TBC1D12: variants seen among roughly 807,000 people sequenced by gnomAD.
TBC1D12 encodes the protein TBC1 domain family member 12.
TBC1D12 carries 56 observed loss-of-function variants against 86.7 expected under a neutral mutation model. That is an observed-to-expected ratio of 0.65 (90% CI 0.52 to 0.81). The LOEUF (loss-of-function observed/expected upper bound fraction) is 0.81. TBC1D12 is among the 30% of genes least tolerant of loss of function. The pLI, the probability that TBC1D12 is intolerant of heterozygous loss-of-function variation, is 0.00. For missense variants in TBC1D12, 1,023 were observed against 1,038.8 expected, an observed-to-expected ratio of 0.98 and a Z score of 0.21; for synonymous variants, 421 against 411.7, an observed-to-expected ratio of 1.02 and a Z score of -0.27.
chr10:94,515,140 C>T (rs2134213052), intron 9 of TBC1D12, among the ~76,000 whole-genome samples: 1 of 151,336 alleles, frequency 6.6e-6, no homozygotes, highest in Admixed American at 6.6e-5. Flanking sequence ...ATCTCCTGAC[C>T]TCGTGATCCG....
At position 94,403,042 on chromosome 10, in the gene TBC1D12, C is replaced by G. The variant is rs2054791325; in HGVS notation, c.429C>G (p.Gly143=). 2 of 1,564,118 alleles carry G rather than the reference C, an allele frequency of 1.3e-6. No individual in the cohort carries two copies. Among genetic ancestry groups the G allele is most frequent in the Non-Finnish European group, 8.6e-7 (1 of 1,159,730 alleles). Residue 143 remains glycine, a synonymous_variant, in exon 1 of 13, where the codon GGC becomes GGG. Transcript: ENST00000225235. ...MTNGDSGFLP[G]RDCRDLEEAR... ...ACGGCGACTCGGGTTTTCTGCCGGGCCGGGACTGTCGCGATCTGGAAGAGG... is the reference window on the plus strand; with the variant it reads ...ACGGCGACTCGGGTTTTCTGCCGGGGCGGGACTGTCGCGATCTGGAAGAGG...
At chr10:94,465,501 C>T (rs1196653133) in intron 2 of TBC1D12, among the ~76,000 whole-genome samples, 1 of 151,970 alleles carries the variant, frequency 6.6e-6, no homozygotes, top group Admixed American at 6.6e-5. Flanking sequence ...CAAAAATTAG[C>T]TGAGCATGGT....
At chr10:94,457,069 G>A (rs777601927) in intron 2 of TBC1D12, among the ~76,000 whole-genome samples, 2 of 151,992 alleles carry the variant, frequency 1.3e-5, no homozygotes, top group African/African-American at 2.4e-5. Context: ...ACTTAAAGTG[G>A]GGTTTTTAAA....
intron 11 of TBC1D12, among the ~76,000 whole-genome samples, chr10:94,527,082 T>TTGTGTGTGTGTGTGTG (rs60647037): frequency 9.4e-5 from 14 of 148,250 alleles, no homozygotes; most frequent in African/African-American, 3.3e-4. Flanking sequence ...GCTGGATTGA[T>TTGTGTGTGTGTGTGTG]TGTGTGTGTG....
At chr10:94,465,402 CT>C (rs771973697) in intron 2 of TBC1D12, among the ~76,000 whole-genome samples, 9 of 152,150 alleles carry the variant, frequency 5.9e-5, no homozygotes, top group Non-Finnish European at 1.3e-4. Context: ...AATCCTAGCA[CT>C]TTGGGAGGAT....
intron 2 of TBC1D12, among the ~76,000 whole-genome samples, chr10:94,449,773 T>G (rs749723370): frequency 2.6e-5 from 4 of 152,216 alleles, no homozygotes; most frequent in Non-Finnish European, 5.9e-5. Context: ...TTTGGCTCTC[T>G]CCTTGTCTTT....
chr10:94,501,956 G>C (rs1190244249), intron 6 of TBC1D12, among the ~76,000 whole-genome samples: 4 of 152,140 alleles, frequency 2.6e-5, no homozygotes, highest in Non-Finnish European at 4.4e-5. Context: ...TTGAGCCCAG[G>C]AGTTTAAGGT....
chr10:94,483,551 A>G (rs1211388829), intron 3 of TBC1D12, among the ~76,000 whole-genome samples: 1 of 152,098 alleles, frequency 6.6e-6, no homozygotes, highest in Non-Finnish European at 1.5e-5. Flanking sequence ...TGCCATTTGT[A>G]TGTCTTCTTT....
Position 94,403,354 on chromosome 10 carries a change from G to GC in TBC1D12, c.746dup (p.Ala250CysfsTer8). 1 of 1,525,022 alleles carries GC rather than the reference G, an allele frequency of 6.6e-7. No individual in the cohort carries two copies. Among genetic ancestry groups the GC allele is most frequent in the East Asian group, 2.7e-5 (1 of 37,314 alleles). The allele number at this position is 1,525,022 out of a possible 1,614,324, so 94.5% of individuals were successfully genotyped here. A position where few individuals can be genotyped will look rare whatever the true frequency, so the allele number is the denominator to read the frequency against. ...GCGCCGGGGGTCCCGAGGAGGGCGCGCCCCCTGCCACCTCGGCCGAGAGGA... is the reference window on the plus strand; with the variant it reads ...GCGCCGGGGGTCCCGAGGAGGGCGCGCCCCCCTGCCACCTCGGCCGAGAGGA... On this transcript the variant is annotated frameshift_variant, in exon 1 of 13. Coordinates refer to ENST00000225235, the MANE Select transcript of TBC1D12 (RefSeq NM_015188.2). LOFTEE classifies it high-confidence loss of function.
At chr10:94,426,430 G>A (rs2055147481) in intron 1 of TBC1D12, among the ~76,000 whole-genome samples, 1 of 152,088 alleles carries the variant, frequency 6.6e-6, no homozygotes, top group Admixed American at 6.6e-5. Context: ...GTCCATTGAT[G>A]TAATTGTGTG....
chr10:94,432,186 G>A (rs11187948), intron 1 of TBC1D12, among the ~76,000 whole-genome samples: 63,497 of 151,868 alleles, frequency 0.42, 13,726 homozygotes, highest in East Asian at 0.76. Context: ...AAGGTGATAC[G>A]GAGGAATGTG....
At chr10:94,530,466 A>C (rs1486274541) in intron 11 of TBC1D12, among the ~76,000 whole-genome samples, 1 of 152,216 alleles carries the variant, frequency 6.6e-6, no homozygotes, top group Non-Finnish European at 1.5e-5. Context: ...TAGGTTACTA[A>C]AAGATGATAT....
intron 1 of TBC1D12, among the ~76,000 whole-genome samples, chr10:94,432,105 G>T (rs1019171596): frequency 8.6e-5 from 13 of 151,942 alleles, no homozygotes; most frequent in African/African-American, 3.2e-4. Context: ...TAATATTTTG[G>T]GGGGTGGGAG....
chr10:94,420,650 T>C (rs2055060933), intron 1 of TBC1D12, among the ~76,000 whole-genome samples: 1 of 152,222 alleles, frequency 6.6e-6, no homozygotes, highest in African/African-American at 2.4e-5. Context: ...TCTTTCACTT[T>C]GCATGTTTTT....
intron 4 of TBC1D12, among the ~76,000 whole-genome samples, chr10:94,496,507 T>G (rs2056323218): frequency 6.6e-6 from 1 of 152,162 alleles, no homozygotes. Flanking sequence ...TGTCAGAAAA[T>G]TTATAAACCC....
chr10:94,467,322 T>C (rs1338000581), intron 2 of TBC1D12, among the ~76,000 whole-genome samples: 1 of 152,114 alleles, frequency 6.6e-6, no homozygotes, highest in Non-Finnish European at 1.5e-5. Context: ...AACCTTTGCC[T>C]CCTGGGTTCA....
chr10:94,484,669 T>G (rs1410624660), intron 3 of TBC1D12, among the ~76,000 whole-genome samples: 1 of 152,240 alleles, frequency 6.6e-6, no homozygotes, highest in African/African-American at 2.4e-5. Flanking sequence ...TTGCATTGAA[T>G]GTGTAGATTG....
chr10:94,496,619 T>TTC, intron 4 of TBC1D12, among the ~76,000 whole-genome samples: 2 of 152,142 alleles, frequency 1.3e-5, no homozygotes, highest in Non-Finnish European at 2.9e-5. Flanking sequence ...TAAATAGAAA[T>TTC]ATGTGATAAA....
chr10:94,465,875 T>C (rs2055810572), intron 2 of TBC1D12, among the ~76,000 whole-genome samples: 1 of 150,964 alleles, frequency 6.6e-6, no homozygotes, highest in Admixed American at 6.6e-5. Flanking sequence ...TATATACACA[T>C]ACATGTATGT....
Sources: gnomAD v4.1 joint callset for allele counts (sites outside exome capture counted in the v4.1 genomes callset) on GRCh38, gnomAD v4.1.1 for gene constraint, MANE v1.5 for transcripts, NCBI Gene and HGNC (gene_info 2026-07-23, HGNC 2026-07-21) for gene names.